The following FAR2 variants were observed in gnomAD, a reference collection of about 807,000 sequenced individuals.
FAR2 encodes the protein fatty acyl-CoA reductase 2.
FAR2 carries 19 observed loss-of-function variants against 56.0 expected under a neutral mutation model. The ratio of observed to expected loss-of-function variants is 0.34; its 90% CI spans 0.24 to 0.50. FAR2 has a LOEUF of 0.50. Among genes scored for constraint, FAR2 ranks in the 20% least tolerant of loss-of-function variants. FAR2 has a pLI of 0.98. For synonymous variants in FAR2, 219 were observed against 218.8 expected (o/e 1.00, Z -0.01); for missense variants, 508 against 642.2 (o/e 0.79, Z 2.26).
At chr12:29,207,779 G>A (rs1385295753) in intron 1 of FAR2, among the ~76,000 whole-genome samples, 1 of 152,162 alleles carries the variant, frequency 6.6e-6, no homozygotes, top group Non-Finnish European at 1.5e-5. Context: ...CTTACAGCTG[G>A]CACTTTATAA....
intron 1 of FAR2, among the ~76,000 whole-genome samples, chr12:29,227,744 A>T (rs568206067): frequency 4.6e-5 from 7 of 152,208 alleles, no homozygotes; most frequent in African/African-American, 1.7e-4. Context: ...CTGCAGGAAA[A>T]ATTTTTTCTC....
chr12:29,272,637 T>G (rs2136710124), intron 2 of FAR2, among the ~76,000 whole-genome samples: 1 of 152,312 alleles, frequency 6.6e-6, no homozygotes, highest in Non-Finnish European at 1.5e-5. Context: ...TTCTGTCAAT[T>G]TGTCCATCTG....
At chr12:29,179,233 C>T (rs1007878088) in intron 1 of FAR2, among the ~76,000 whole-genome samples, 1 of 152,072 alleles carries the variant, frequency 6.6e-6, no homozygotes, top group African/African-American at 2.4e-5. Flanking sequence ...AAAATTCAGC[C>T]CATAACAATC....
chr12:29,157,109 TATA>T (rs1949734877), intron 1 of FAR2: 6 of 64,102 alleles, frequency 9.4e-5, no homozygotes, highest in African/African-American at 4.0e-4. Flanking sequence ...GAACATTTTA[TATA>T]TATATATATA....
chr12:29,222,297 A>G (rs558430734), intron 1 of FAR2, among the ~76,000 whole-genome samples: 1 of 152,344 alleles, frequency 6.6e-6, no homozygotes, highest in Admixed American at 6.5e-5. Context: ...AATCATAGTG[A>G]TATTTCATTG....
chr12:29,187,505 T>G (rs2136603710), intron 1 of FAR2, among the ~76,000 whole-genome samples: 1 of 152,294 alleles, frequency 6.6e-6, no homozygotes, highest in African/African-American at 2.4e-5. Context: ...TTAAAGTATA[T>G]TGAGCCTGTA....
intron 1 of FAR2, among the ~76,000 whole-genome samples, chr12:29,261,761 A>G (rs1248346458): frequency 6.6e-6 from 1 of 152,206 alleles, no homozygotes; most frequent in Admixed American, 6.5e-5. Flanking sequence ...AAAGAGTGGC[A>G]TGACATATTT....
intron 2 of FAR2, among the ~76,000 whole-genome samples, chr12:29,285,419 C>T (rs367886464): frequency 1.2e-4 from 19 of 152,056 alleles, no homozygotes; most frequent in African/African-American, 3.4e-4. Flanking sequence ...AAGAAACTAT[C>T]CCACAAAAAG....
intron 1 of FAR2, among the ~76,000 whole-genome samples, chr12:29,254,531 T>C (rs1177686075): frequency 2.0e-5 from 3 of 152,202 alleles, no homozygotes; most frequent in Non-Finnish European, 4.4e-5. Flanking sequence ...TTGGATCAAT[T>C]AGGTCTTTGT....
chr12:29,301,342 C>T (rs1949161294), intron 4 of FAR2, among the ~76,000 whole-genome samples: 1 of 152,164 alleles, frequency 6.6e-6, no homozygotes, highest in African/African-American at 2.4e-5. Context: ...TCAGCTCTAC[C>T]TTCATATTGC....
chr12:29,238,897 C>G (rs752994290), intron 1 of FAR2, among the ~76,000 whole-genome samples: 4 of 152,148 alleles, frequency 2.6e-5, no homozygotes, highest in African/African-American at 9.7e-5. Flanking sequence ...ATTATGATCT[C>G]ACAGTTTCCA....
At chr12:29,218,386 A>G (rs978919593) in intron 1 of FAR2, among the ~76,000 whole-genome samples, 3 of 151,888 alleles carry the variant, frequency 2.0e-5, no homozygotes, top group Non-Finnish European at 4.4e-5. Flanking sequence ...GCTTGATTAT[A>G]TAATATTCAC....
intron 1 of FAR2, chr12:29,157,018 T>G (rs1457880265): frequency 1.3e-5 from 2 of 149,326 alleles, no homozygotes; most frequent in African/African-American, 2.5e-5. Context: ...ATATCTAACT[T>G]TATAAAGAGG....
At chr12:29,268,412 C>T (rs964271152) in intron 1 of FAR2, among the ~76,000 whole-genome samples, 2 of 152,212 alleles carry the variant, frequency 1.3e-5, no homozygotes, top group Non-Finnish European at 2.9e-5. Context: ...CAAAACACTT[C>T]ATGGTGCGTT....
At chr12:29,242,320 C>G (rs1424622680) in intron 1 of FAR2, among the ~76,000 whole-genome samples, 1 of 152,202 alleles carries the variant, frequency 6.6e-6, no homozygotes, top group Non-Finnish European at 1.5e-5. Flanking sequence ...AGGGAGTTTA[C>G]CCAGTCCTCT....
At chr12:29,327,169 T>C (rs1355708988) in intron 10 of FAR2, among the ~76,000 whole-genome samples, 1 of 152,004 alleles carries the variant, frequency 6.6e-6, no homozygotes, top group African/African-American at 2.4e-5. Context: ...ACAAAGAGAA[T>C]AAAATACCTA....
intron 4 of FAR2, among the ~76,000 whole-genome samples, chr12:29,300,970 C>T (rs553962400): frequency 7.2e-5 from 11 of 152,092 alleles, no homozygotes; most frequent in Non-Finnish European, 1.2e-4. Context: ...TGAACTTGAA[C>T]CCCATGCTTA....
chr12:29,321,667 G>T (rs942377111), intron 9 of FAR2, 128 bp from the exon 10 acceptor site: 3 of 1,092,830 alleles, frequency 2.7e-6, no homozygotes, highest in East Asian at 2.8e-5. Context: ...AAAAGAAGAA[G>T]AATTTTAATG....
chr12:29,270,493 T>G lies in FAR2; in HGVS notation c.44T>G (p.Ile15Ser). 1.2e-6 allele frequency: 2 copies of G among 1,610,766 alleles called. No individual in the cohort carries two copies. The highest frequency in any genetic ancestry group is 1.7e-6 in the Non-Finnish European group (2 of 1,177,618). ...TTCTATGGCGGCAAGTCCATTCTCA[T>G]CACGGGGGCCACAGGCTTTCTGGGC... is the stretch of plus-strand genomic sequence containing the variant. ...AAFYGGKSIL[I>S]TGATGFLGKV... is the part of the protein sequence containing the mutation. Residue 15 changes from isoleucine to serine, a missense_variant, in exon 2 of 12, where the codon ATC (isoleucine) becomes AGC (serine). Ile to Ser is a moderately radical substitution (Grantham distance 142, BLOSUM62 -2). Transcript: ENST00000536681.
Sources: allele counts gnomAD v4.1 joint callset (sites outside exome capture counted in the v4.1 genomes callset), GRCh38; gene constraint gnomAD v4.1.1; transcripts MANE v1.5; gene names NCBI Gene and HGNC (gene_info 2026-07-23, HGNC 2026-07-21).